The following TUBA8 variants were observed in gnomAD, a reference collection of about 807,000 sequenced individuals.
The protein encoded by TUBA8 is tubulin alpha-8 chain.
TUBA8 carries 29 observed loss-of-function variants against 34.7 expected under a neutral mutation model. The ratio of observed to expected loss-of-function variants is 0.84; its 90% confidence interval spans 0.62 to 1.14. TUBA8 has a LOEUF of 1.14. Ranked by LOEUF, TUBA8 falls within the 50% of genes most tolerant of loss-of-function variation. TUBA8 has a pLI of 0.00. For synonymous variants in TUBA8, 226 were observed against 231.2 expected (o/e 0.98, Z 0.21); for missense variants, 541 against 599.2 (o/e 0.90, Z 1.01).
intron 4 of TUBA8, 114 bp from the exon 5 acceptor site, chr22:18,130,729 C>A (rs140079876): frequency 7.1e-6 from 10 of 1,417,360 alleles, no homozygotes; most frequent in African/African-American, 2.8e-5. Context: ...CCCACTCCCA[C>A]GCCCCTGACC....
chr22:18,117,858 C>CT (rs1225638568), intron 1 of TUBA8: 1 of 151,046 alleles, frequency 6.6e-6, no homozygotes, highest in Non-Finnish European at 1.5e-5. Context: ...GATGTCTCAC[C>CT]TTCTGGATTG....
chr22:18,111,843 C>T lies in TUBA8; in HGVS notation c.3+975C>T, dbSNP rs1927822731. The T allele has an allele frequency of 6.6e-6, 1 of 152,300 alleles. No homozygotes were observed. The highest frequency in any genetic ancestry group is 2.4e-5 in the African/African-American group (1 of 41,420). 9.4% of individuals were successfully genotyped at this position (152,300 alleles called of 1,614,324 possible). A position where few individuals can be genotyped will look rare whatever the true frequency, so the allele number is the denominator to read the frequency against. On this transcript the variant is annotated intron_variant, in intron 1 of 4. Coordinates refer to ENST00000330423, the MANE Select transcript of TUBA8 (RefSeq NM_018943.3). This position sits in a 1 kb window ranked among gnomAD's most constrained non-coding sequence, Gnocchi z 5.1. ...CAGGCTTGCTCCAGGTGTCAGTGAT[C>T]CAGAAAGCAGGCGAGAACCCCCTCC...
intron 2 of TUBA8, chr22:18,123,198 G>T (rs1186687289): frequency 6.6e-6 from 1 of 151,742 alleles, no homozygotes; most frequent in Non-Finnish European, 1.5e-5. Context: ...AGGAGTCAAG[G>T]TGGAAGGGAG....
intron 4 of TUBA8, chr22:18,130,450 T>A (rs1480874454): frequency 1.3e-5 from 3 of 234,564 alleles, no homozygotes; most frequent in East Asian, 2.0e-4. Context: ...AGAGACAGGG[T>A]CTTGCTGTGT....
chr22:18,125,906 A>T (rs1302269510), intron 3 of TUBA8: 2 of 201,290 alleles, frequency 9.9e-6, no homozygotes, highest in Non-Finnish European at 2.0e-5. Flanking sequence ...CTGTCATCCA[A>T]GCCAGAGTGC....
chr22:18,120,187 G>T (rs1023175235), intron 1 of TUBA8: 5 of 152,158 alleles, frequency 3.3e-5, no homozygotes, highest in African/African-American at 9.7e-5. Flanking sequence ...TCTTACATGG[G>T]TATATATTGT....
At position 18,121,811 on chromosome 22, in the gene TUBA8, A is replaced by ACC; in HGVS notation, c.226+110_226+111insCC. On this transcript the variant is annotated intron_variant, in intron 2 of 4. Coordinates refer to ENST00000330423, the MANE Select transcript of TUBA8 (RefSeq NM_018943.3). The surrounding 1 kb of genome is among the most constrained non-coding windows in gnomAD (Gnocchi z 4.8). ...TCTAGCTGGAAGGTGGGGATGGTGC[A>ACC]ACCGCAGCCTCCCACCCCACGTGAC... is the stretch of plus-strand genomic sequence containing the variant. 1 of 1,062,000 alleles carries ACC rather than the reference A, an allele frequency of 9.4e-7. No homozygotes were observed. Among genetic ancestry groups the ACC allele is most frequent in the Non-Finnish European group, 1.4e-6 (1 of 717,910 alleles). The allele number at this position is 1,062,000 out of a possible 1,614,324, so 65.8% of individuals were successfully genotyped here.
Position 18,131,212 on chromosome 22 carries a change from A to G in TUBA8, c.*76A>G. On this transcript the variant is annotated 3_prime_UTR_variant, in exon 5 of 5. Coordinates refer to ENST00000330423, the MANE Select transcript of TUBA8 (RefSeq NM_018943.3). The surrounding 1 kb of genome is among the most constrained non-coding windows in gnomAD (Gnocchi z 5.3). ...AAGCACATGTTCAAGAGAACAGAACACTCTCCCCGCCCCAGCCTGATTCCT... is the reference window on the plus strand; with the variant it reads ...AAGCACATGTTCAAGAGAACAGAACGCTCTCCCCGCCCCAGCCTGATTCCT... The G allele has an allele frequency of 1.3e-6, 2 of 1,498,944 alleles. No individual in the cohort carries two copies. Among genetic ancestry groups the G allele is most frequent in the Non-Finnish European group, 1.8e-6 (2 of 1,084,388 alleles). 92.9% of individuals were successfully genotyped at this position (1,498,944 alleles called of 1,614,324 possible). A position where few individuals can be genotyped will look rare whatever the true frequency, so the allele number is the denominator to read the frequency against.
chr22:18,125,037 G>T (rs1335629430), intron 3 of TUBA8: 4 of 152,232 alleles, frequency 2.6e-5, no homozygotes, highest in Non-Finnish European at 5.9e-5. Flanking sequence ...CCTCAAAGCT[G>T]TCTGTGGTCC....
At chr22:18,112,201 A>C (rs188086811) in intron 1 of TUBA8, 3 of 152,222 alleles carry the variant, frequency 2.0e-5, no homozygotes, top group Non-Finnish European at 4.4e-5. Flanking sequence ...TTATAATTCA[A>C]ATTTCCAAGA....
Position 18,121,668 on chromosome 22 carries a change from G to C in TUBA8, c.193G>C (p.Ala65Pro). Residue 65 changes from alanine to proline, a missense_variant, in exon 2 of 5, where the codon GCC becomes CCC. Coordinates refer to ENST00000330423, the MANE Select transcript of TUBA8 (RefSeq NM_018943.3). The surrounding 1 kb of genome is among the most constrained non-coding windows in gnomAD (Gnocchi z 4.8). ...ETGNGKHVPR[A>P]VMIDLEPTVV... ...TGGCAATGGGAAGCATGTGCCCCGG[G>C]CCGTCATGATAGATCTGGAGCCTAC... 2 of 1,614,218 alleles carry C rather than the reference G, an allele frequency of 1.2e-6. No individual in the cohort carries two copies. Among genetic ancestry groups the C allele is most frequent in the Non-Finnish European group, 1.7e-6 (2 of 1,180,038 alleles).
At chr22:18,128,001 T>G (rs946063743) in intron 4 of TUBA8, 1 of 152,118 alleles carries the variant, frequency 6.6e-6, no homozygotes, top group African/African-American at 2.4e-5. Context: ...CTAAAGTTAG[T>G]TTTAATGGAT....
At position 18,121,790 on chromosome 22, in the gene TUBA8, G is replaced by C; in HGVS notation, c.226+89G>C. ...AGTAGCTAAGGAAGCAGCGTCTCTA[G>C]CTGGAAGGTGGGGATGGTGCAACCG... On this transcript the variant is annotated intron_variant, in intron 2 of 4. Coordinates refer to ENST00000330423, the MANE Select transcript of TUBA8 (RefSeq NM_018943.3). This position sits in a 1 kb window ranked among gnomAD's most constrained non-coding sequence, Gnocchi z 4.8. The C allele has an allele frequency of 7.5e-7, 1 of 1,340,688 alleles. No homozygotes were observed. Among genetic ancestry groups the C allele is most frequent in the Non-Finnish European group, 1.0e-6 (1 of 957,562 alleles). 83.0% of individuals were successfully genotyped at this position (1,340,688 alleles called of 1,614,324 possible).
chr22:18,114,456 CTG>C (rs1927904909), intron 1 of TUBA8: 2 of 152,358 alleles, frequency 1.3e-5, no homozygotes, highest in African/African-American at 4.8e-5. Context: ...TTTGTTTTTG[CTG>C]TGTCTGGCTT....
Position 18,110,921 on chromosome 22 carries a change from G to T in TUBA8, c.3+53G>T. ...GCGGGCGCGCGGCAGGCGTAGGACC[G>T]AGAGCCGAGTCTACGCGGAGGCGCA... On this transcript the variant is annotated intron_variant, in intron 1 of 4. Coordinates refer to ENST00000330423, the MANE Select transcript of TUBA8 (RefSeq NM_018943.3). The surrounding 1 kb of genome is among the most constrained non-coding windows in gnomAD (Gnocchi z 6.2). The T allele has an allele frequency of 6.5e-7, 1 of 1,538,048 alleles. No homozygotes were observed. Among genetic ancestry groups the T allele is most frequent in the South Asian group, 1.2e-5 (1 of 84,214 alleles).
Position 18,130,834 on chromosome 22 carries a change from G to A in TUBA8, c.1057-9G>A. 1 of 1,613,460 alleles carries A rather than the reference G, an allele frequency of 6.2e-7. No homozygotes were observed. Among genetic ancestry groups the A allele is most frequent in the Non-Finnish European group, 8.5e-7 (1 of 1,179,960 alleles). ...CTTCTGTGGCTCCTCCTCTTTCTGT[G>A]TCCCTCAGGTGGGCATCAACTACCA... On this transcript the variant is annotated splice_polypyrimidine_tract_variant and intron_variant, in intron 4 of 4. Transcript: ENST00000330423.
chr22:18,112,523 A>G (rs143219958), intron 1 of TUBA8: 3 of 152,342 alleles, frequency 2.0e-5, no homozygotes, highest in African/African-American at 7.2e-5. Context: ...AGTGGAGCCC[A>G]GAGGATGTTT....
intron 1 of TUBA8, chr22:18,116,251 C>T (rs1302262761): frequency 6.6e-6 from 1 of 152,264 alleles, no homozygotes; most frequent in African/African-American, 2.4e-5. Context: ...TTTCGCTCTG[C>T]ACAAGAGACA....
At chr22:18,130,751 C>G in intron 4 of TUBA8, 92 bp from the exon 5 acceptor site, 1 of 1,550,516 alleles carries the variant, frequency 6.4e-7, no homozygotes, top group Non-Finnish European at 8.9e-7. Flanking sequence ...TGACTTGAAG[C>G]CATGCCAAGT....
Sources: gnomAD v4.1 joint callset for allele counts on GRCh38, gnomAD v4.1.1 for gene constraint, Gnocchi (gnomAD v3.1) non-coding constraint, MANE v1.5 for transcripts, NCBI Gene and HGNC (gene_info 2026-07-23, HGNC 2026-07-21) for gene names.